The following RIMBP2 variants were observed in gnomAD, a reference collection of about 807,000 sequenced individuals.
RIMBP2 encodes RIMS-binding protein 2.
In RIMBP2, 48 loss-of-function variants were observed where a neutral mutation model predicts 118.6. The ratio of observed to expected loss-of-function variants is 0.40; its 90% CI spans 0.32 to 0.51. RIMBP2 has a LOEUF of 0.51. RIMBP2 is among the 20% of genes least tolerant of loss of function. The probability of loss-of-function intolerance (pLI) is 0.41; values close to 1 mark genes in which losing one functional copy is unlikely to be tolerated. For synonymous variants in RIMBP2, 762 were observed against 742.9 expected, an observed-to-expected ratio of 1.03 and a Z score of -0.42; for missense variants, 1,551 against 1,768.3, an observed-to-expected ratio of 0.88 and a Z score of 2.20.
intron 2 of RIMBP2, among the ~76,000 whole-genome samples, chr12:130,529,489 G>A (rs1244523300): frequency 6.6e-6 from 1 of 152,176 alleles, no homozygotes. Flanking sequence ...GGGGCTACCT[G>A]GCTGGTACAG....
chr12:130,593,448 G>T (rs932583853), intron 2 of RIMBP2, among the ~76,000 whole-genome samples: 13 of 152,234 alleles, frequency 8.5e-5, no homozygotes, highest in Admixed American at 3.9e-4. Flanking sequence ...TTAGCCGTGG[G>T]ATTATCTGCA....
intron 1 of RIMBP2, among the ~76,000 whole-genome samples, chr12:130,678,295 C>T (rs962677600): frequency 2.9e-4 from 44 of 152,200 alleles, no homozygotes; most frequent in African/African-American, 1.0e-3. Context: ...CCCTGGCACA[C>T]GTGTTCAGCG....
chr12:130,468,540 G>A (rs749136648), intron 6 of RIMBP2, among the ~76,000 whole-genome samples: 1 of 152,068 alleles, frequency 6.6e-6, no homozygotes, highest in Non-Finnish European at 1.5e-5. Context: ...ACTTTCAAAG[G>A]CCTGTCTCGG....
intron 1 of RIMBP2, among the ~76,000 whole-genome samples, chr12:130,707,204 A>G (rs909317750): frequency 2.0e-5 from 3 of 152,200 alleles, no homozygotes; most frequent in South Asian, 4.2e-4. Context: ...ACGCAGACAC[A>G]CTCAGAACTT....
intron 3 of RIMBP2, among the ~76,000 whole-genome samples, chr12:130,509,726 G>GCCCCCCCC (rs376491702): frequency 4.1e-5 from 6 of 148,128 alleles, no homozygotes; most frequent in African/African-American, 1.3e-4. Context: ...CATGCCCTCT[G>GCCCCCCCC]CCCCCCCGCC....
chr12:130,606,261 G>A (rs1174587580), intron 2 of RIMBP2, among the ~76,000 whole-genome samples: 1 of 152,174 alleles, frequency 6.6e-6, no homozygotes, highest in Non-Finnish European at 1.5e-5. Flanking sequence ...GTATGTTTCT[G>A]AGAAAAAACG....
chr12:130,479,067 G>A (rs2081710478), intron 4 of RIMBP2, 51 bp from the exon 5 acceptor site: 2 of 1,475,878 alleles, frequency 1.4e-6, no homozygotes, highest in African/African-American at 1.4e-5. Context: ...GTGCCCATGG[G>A]CGTGCATCCT....
At chr12:130,657,106 C>T (rs1307995892) in intron 1 of RIMBP2, among the ~76,000 whole-genome samples, 1 of 152,148 alleles carries the variant, frequency 6.6e-6, no homozygotes, top group Non-Finnish European at 1.5e-5. Flanking sequence ...CTATGTTGTT[C>T]AGGTTGATCT....
At chr12:130,691,086 C>A (rs1186474607) in intron 1 of RIMBP2, among the ~76,000 whole-genome samples, 1 of 152,196 alleles carries the variant, frequency 6.6e-6, no homozygotes, top group African/African-American at 2.4e-5. Flanking sequence ...AAGGAGCTGC[C>A]AGCCCCGACT....
intron 1 of RIMBP2, among the ~76,000 whole-genome samples, chr12:130,706,353 G>T (rs1271343295): frequency 1.3e-5 from 2 of 152,242 alleles, no homozygotes; most frequent in Non-Finnish European, 2.9e-5. Flanking sequence ...GCATTTTATG[G>T]ATAAGACAAC....
At position 130,511,545 on chromosome 12, in the gene RIMBP2, C is replaced by T. The variant is rs1330798982; in HGVS notation, c.-126-4775G>A. ...TTTGTCACTTCCTCTACTGGTACAG[C>T]CCCCAGGGCTTCAGTCACCCCAGTG... is the stretch of plus-strand genomic sequence containing the variant. On this transcript the variant is annotated intron_variant, in intron 3 of 22. Transcript: ENST00000690449. This position sits in a 1 kb window ranked among gnomAD's most constrained non-coding sequence, Gnocchi z 4.3. Among the ~76,000 whole-genome samples the T allele has an allele frequency of 6.6e-6, 1 of 152,196 alleles. No individual in the cohort carries two copies. The highest frequency in any genetic ancestry group is 1.5e-5 in the Non-Finnish European group (1 of 68,042).
intron 2 of RIMBP2, among the ~76,000 whole-genome samples, chr12:130,545,479 G>A (rs1490680397): frequency 6.6e-6 from 1 of 152,134 alleles, no homozygotes; most frequent in Non-Finnish European, 1.5e-5. Context: ...TAATATTTAA[G>A]GTTTATTAGG....
chr12:130,460,759 C>T (rs2079908195), intron 6 of RIMBP2, among the ~76,000 whole-genome samples: 1 of 152,160 alleles, frequency 6.6e-6, no homozygotes, highest in Admixed American at 6.5e-5. Context: ...GCTTCCCCCG[C>T]AGATTCCCCA....
rs559510154 is a variant in RIMBP2, at chr12:130,604,519, C to G, written c.-217+23803G>C. ...CTCACTCACTCACTCACTCACTCACCAGAGCAACTTCCGGGCCTGCAAGCT... is the reference window on the plus strand; with the variant it reads ...CTCACTCACTCACTCACTCACTCACGAGAGCAACTTCCGGGCCTGCAAGCT... On this transcript the variant is annotated intron_variant, in intron 2 of 22. Coordinates refer to ENST00000690449, the MANE Select transcript of RIMBP2 (RefSeq NM_001393629.1). 2.6e-3 allele frequency among the ~76,000 whole-genome samples: 375 copies of G among 144,108 alleles called. 1 individual carries two copies. The highest frequency in any genetic ancestry group is 9.2e-3 in the African/African-American group (355 of 38,552). The allele number at this position is 144,108 out of a possible 152,430, so 94.5% of individuals were successfully genotyped here. A position where few individuals can be genotyped will look rare whatever the true frequency, so the allele number is the denominator to read the frequency against.
chr12:130,573,914 T>C (rs1201480517), intron 2 of RIMBP2, among the ~76,000 whole-genome samples: 3 of 152,022 alleles, frequency 2.0e-5, no homozygotes, highest in African/African-American at 7.2e-5. Flanking sequence ...TCCACCCACA[T>C]CCCTGCAGGC....
intron 2 of RIMBP2, among the ~76,000 whole-genome samples, chr12:130,545,211 C>T (rs1176843055): frequency 1.3e-5 from 2 of 152,068 alleles, no homozygotes; most frequent in Admixed American, 1.3e-4. Context: ...GTCAGGACTC[C>T]CTGGTACTTG....
intron 1 of RIMBP2, among the ~76,000 whole-genome samples, chr12:130,631,298 A>G (rs1019853704): frequency 2.0e-5 from 3 of 152,250 alleles, no homozygotes; most frequent in African/African-American, 7.2e-5. Context: ...TTAGCAATAT[A>G]CACACAATAA....
intron 2 of RIMBP2, among the ~76,000 whole-genome samples, chr12:130,553,531 C>G (rs1275670333): frequency 6.6e-6 from 1 of 151,972 alleles, no homozygotes; most frequent in Non-Finnish European, 1.5e-5. Context: ...ATTGCTTGAG[C>G]CCAGGAGTTC....
intron 4 of RIMBP2, among the ~76,000 whole-genome samples, chr12:130,490,503 A>C (rs1420509047): frequency 6.6e-6 from 1 of 152,186 alleles, no homozygotes; most frequent in East Asian, 1.9e-4. Flanking sequence ...GCTGATAGCT[A>C]CTTTAATGAA....
Sources: allele counts gnomAD v4.1 joint callset (sites outside exome capture counted in the v4.1 genomes callset), GRCh38; gene constraint gnomAD v4.1.1; non-coding constraint Gnocchi (gnomAD v3.1); transcripts MANE v1.5; gene names NCBI Gene and HGNC (gene_info 2026-07-23, HGNC 2026-07-21).